SHISA9: variants seen among roughly 807,000 people sequenced by gnomAD.
SHISA9 encodes protein shisa-9.
SHISA9 carries 13 observed loss-of-function variants against 38.0 expected under a neutral mutation model. The observed-to-expected ratio is 0.34, with a 90% CI of 0.22 to 0.54. The LOEUF (loss-of-function observed/expected upper bound fraction) is 0.54, where lower values mean the gene tolerates loss of function less well. SHISA9 is among the 20% of genes least tolerant of loss of function. SHISA9 has a pLI of 0.91. For synonymous variants in SHISA9, 275 were observed against 242.0 expected (o/e 1.14, Z -1.27); for missense variants, 538 against 575.8 (o/e 0.93, Z 0.67).
chr16:13,301,674 A>G, the SHISA9 span, among the ~76,000 whole-genome samples: 1 of 152,202 alleles, frequency 6.6e-6, no homozygotes. Flanking sequence ...CTTAAATAAA[A>G]TTATTAAGGC....
At chr16:12,983,732 C>A (rs894919720) in intron 2 of SHISA9, among the ~76,000 whole-genome samples, 4 of 152,212 alleles carry the variant, frequency 2.6e-5, no homozygotes, top group African/African-American at 9.6e-5. Flanking sequence ...TTGTGATCCA[C>A]CTGCCTCAGC....
the SHISA9 span, among the ~76,000 whole-genome samples, chr16:13,310,051 C>G: frequency 6.6e-6 from 1 of 152,024 alleles, no homozygotes; most frequent in East Asian, 1.9e-4. Flanking sequence ...CCATACCTGG[C>G]TAATTTTTAT....
chr16:13,534,802 C>G, the SHISA9 span, among the ~76,000 whole-genome samples: 1 of 152,048 alleles, frequency 6.6e-6, no homozygotes, highest in East Asian at 1.9e-4. Context: ...GTCTTCTCCC[C>G]TCTTCTCTTT....
At chr16:13,157,261 C>G (rs1423293055) in intron 2 of SHISA9, among the ~76,000 whole-genome samples, 1 of 152,210 alleles carries the variant, frequency 6.6e-6, no homozygotes, top group Admixed American at 6.5e-5. Flanking sequence ...AGCCTCTCAT[C>G]TATCCTAGCA....
the SHISA9 span, among the ~76,000 whole-genome samples, chr16:13,496,912 A>T: frequency 6.6e-6 from 1 of 152,176 alleles, no homozygotes; most frequent in Admixed American, 6.5e-5. Context: ...TAAATAGGAA[A>T]ATTTAGTATT....
chr16:13,487,431 T>G, the SHISA9 span, among the ~76,000 whole-genome samples: 43,695 of 152,108 alleles, frequency 0.29, 6,848 homozygotes, highest in East Asian at 0.37. Context: ...GAGGGAGCAG[T>G]TGTCTCACGT....
the SHISA9 span, among the ~76,000 whole-genome samples, chr16:13,437,274 A>G: frequency 6.6e-6 from 1 of 152,156 alleles, no homozygotes; most frequent in African/African-American, 2.4e-5. Context: ...ATATGGCTTC[A>G]AAAAAGATGG....
intron 2 of SHISA9, among the ~76,000 whole-genome samples, chr16:13,088,374 G>T (rs1408093469): frequency 2.6e-5 from 4 of 152,140 alleles, no homozygotes; most frequent in African/African-American, 9.7e-5. Flanking sequence ...GCTTGATGGG[G>T]ACGGCATTTA....
chr16:13,188,157 C>T (rs8060614), intron 2 of SHISA9, among the ~76,000 whole-genome samples: 22,717 of 152,182 alleles, frequency 0.15, 1,976 homozygotes, highest in Middle Eastern at 0.23. Context: ...TTACCCACTG[C>T]ACACACACTC....
the SHISA9 span, among the ~76,000 whole-genome samples, chr16:13,496,958 G>A: frequency 5.3e-5 from 8 of 152,000 alleles, no homozygotes; most frequent in Non-Finnish European, 8.8e-5. Context: ...TAATTAATGC[G>A]TTTAATTCAA....
chr16:13,200,096 T>C (rs2050989967), intron 2 of SHISA9, among the ~76,000 whole-genome samples: 1 of 152,148 alleles, frequency 6.6e-6, no homozygotes, highest in Admixed American at 6.6e-5. Context: ...ATGCATTCAA[T>C]ACGATTTACC....
At chr16:12,912,875 C>T (rs538725684) in intron 1 of SHISA9, among the ~76,000 whole-genome samples, 47 of 152,136 alleles carry the variant, frequency 3.1e-4, no homozygotes, top group Non-Finnish European at 5.7e-4. Flanking sequence ...TGCTTGTTCT[C>T]CGAATATCTC....
Position 12,933,805 on chromosome 16 carries a change from A to G in SHISA9, c.691+16990A>G, listed in dbSNP as rs1197345428. On this transcript the variant is annotated intron_variant, in intron 2 of 4. Transcript: ENST00000558583. ...GTGTTATCTAGTTAGGCACTGTGTT[A>G]ATGAACCAAAAAACAAGCCAGGGTT... is the stretch of plus-strand genomic sequence containing the variant. Among the ~76,000 whole-genome samples the G allele has an allele frequency of 2.0e-5, 3 of 152,124 alleles. No individual in the cohort carries two copies. The East Asian group carries it at 5.8e-4, about 29-fold the overall frequency.
rs1268867184 is a variant in SHISA9, at chr16:13,060,659, A to AC, written c.692-142735_692-142734insC. Among the ~76,000 whole-genome samples, 707 of 128,802 alleles carry AC rather than the reference A, an allele frequency of 5.5e-3. 39 individuals are homozygous for AC. Among genetic ancestry groups the AC allele is most frequent in the African/African-American group, 0.012 (390 of 33,490 alleles). 84.5% of individuals were successfully genotyped at this position (128,802 alleles called of 152,430 possible). A position where few individuals can be genotyped will look rare whatever the true frequency, so the allele number is the denominator to read the frequency against. On this transcript the variant is annotated intron_variant, in intron 2 of 4. Coordinates refer to ENST00000558583, the MANE Select transcript of SHISA9 (RefSeq NM_001145204.3). ...TCTCAAAAAAAAAAAAAAAAAAAAA[A>AC]AACACTCAAAATACAGGAAATTAAA... is the stretch of plus-strand genomic sequence containing the variant.
At chr16:13,201,976 C>A (rs1310393245) in intron 2 of SHISA9, among the ~76,000 whole-genome samples, 2 of 111,694 alleles carry the variant, frequency 1.8e-5, no homozygotes, top group Non-Finnish European at 3.8e-5. Context: ...GATGGACACA[C>A]ATGCTTCATG....
the SHISA9 span, among the ~76,000 whole-genome samples, chr16:13,363,519 T>C: frequency 6.6e-6 from 1 of 152,132 alleles, no homozygotes; most frequent in African/African-American, 2.4e-5. Context: ...TTTTGCAGGA[T>C]GAAACAGAAG....
the SHISA9 span, among the ~76,000 whole-genome samples, chr16:13,250,608 C>A: frequency 3.9e-5 from 6 of 152,262 alleles, no homozygotes; most frequent in Admixed American, 3.3e-4. Context: ...TTTCTTATCA[C>A]CCCAACCCCA....
chr16:13,068,643 CCAA>C lies in SHISA9; in HGVS notation c.692-134747_692-134745del, dbSNP rs200243259. 9.7e-3 allele frequency among the ~76,000 whole-genome samples: 1,475 copies of C among 152,290 alleles called. 7 individuals are homozygous for C. Among genetic ancestry groups the C allele is most frequent in the Middle Eastern group, 0.024 (7 of 294 alleles). ...ATGGCTTTCACAGGTTTTCTGAATC[CCAA>C]CAAGTACTGTGGCTGGGCCATTAAG... On this transcript the variant is annotated intron_variant, in intron 2 of 4. Coordinates refer to ENST00000558583, the MANE Select transcript of SHISA9 (RefSeq NM_001145204.3).
chr16:12,956,995 A>T (rs909450338), intron 2 of SHISA9, among the ~76,000 whole-genome samples: 15 of 152,266 alleles, frequency 9.9e-5, no homozygotes, highest in African/African-American at 3.6e-4. Flanking sequence ...ATAAACTGAA[A>T]GAATAAATGA....
Sources: gnomAD v4.1 joint callset for allele counts (sites outside exome capture counted in the v4.1 genomes callset) on GRCh38, gnomAD v4.1.1 for gene constraint, MANE v1.5 for transcripts, NCBI Gene and HGNC (gene_info 2026-07-23, HGNC 2026-07-21) for gene names.